The following TUBB8 variants were observed in gnomAD, a reference collection of about 807,000 sequenced individuals.
The protein encoded by TUBB8 is tubulin beta-8 chain.
Under a neutral mutation model 33.7 loss-of-function variants are expected in TUBB8, and 25 were observed. That is an observed-to-expected ratio of 0.74 (90% CI 0.54 to 1.04). The LOEUF is 1.04. Among genes scored for constraint, TUBB8 ranks in the 50% least tolerant of loss-of-function variants. The pLI is 0.00. For missense variants in TUBB8, 279 were observed against 608.0 expected (o/e 0.46, Z 5.69); for synonymous variants, 245 against 240.1 (o/e 1.02, Z -0.19).
chr10:52,193 C>A (rs1160124191), upstream of TUBB8, among the ~76,000 whole-genome samples: 2 of 152,220 alleles, frequency 1.3e-5, no homozygotes, highest in Non-Finnish European at 2.9e-5. Context: ...ACCCTAGGGC[C>A]TCTCACTTAA....
At chr10:63,666 A>G (rs190443865) in intron 1 of TUBB8, among the ~76,000 whole-genome samples, 164 of 152,294 alleles carry the variant, frequency 1.1e-3, no homozygotes, top group Middle Eastern at 6.8e-3. Flanking sequence ...CTTTAAATTT[A>G]TCTGATAGAA....
At chr10:62,174 C>A (rs1834611125) in intron 1 of TUBB8, among the ~76,000 whole-genome samples, 1 of 152,130 alleles carries the variant, frequency 6.6e-6, no homozygotes, top group East Asian at 1.9e-4. Context: ...TCGTTCTTTT[C>A]TTTCTTCCTG....
Position 49,126 on chromosome 10 carries a change from C to T in TUBB8, c.57+56G>A, listed in dbSNP as rs372323345. ...GGCACCGCCCCCGCCACTGCCAACA[C>T]CTTCCCCGGCCACCCGGCAGGCCCG... On this transcript the variant is annotated intron_variant, in intron 1 of 3. Transcript: ENST00000568584. The T allele has an allele frequency of 1.7e-4, 267 of 1,525,956 alleles. 2 individuals are homozygous for T. In the East Asian group the frequency reaches 3.5e-3, roughly 20 times the overall value. 94.5% of individuals were successfully genotyped at this position (1,525,956 alleles called of 1,614,324 possible).
At chr10:51,825 T>G (rs376016679), upstream of TUBB8, among the ~76,000 whole-genome samples, 21 of 151,736 alleles carry the variant, frequency 1.4e-4, no homozygotes, top group African/African-American at 3.9e-4. Context: ...TAGTTTATTA[T>G]CTTTGCCAAC....
At chr10:60,969 C>T (rs1261072409) in intron 1 of TUBB8, among the ~76,000 whole-genome samples, 1 of 151,246 alleles carries the variant, frequency 6.6e-6, no homozygotes, top group Middle Eastern at 3.2e-3. Context: ...AGTAAACTAT[C>T]GCAAGAACAA....
upstream of TUBB8, among the ~76,000 whole-genome samples, chr10:53,246 G>A (rs1834490779): frequency 6.6e-6 from 1 of 152,170 alleles, no homozygotes; most frequent in Non-Finnish European, 1.5e-5. Flanking sequence ...TCCTGCCTCA[G>A]CCTCCCAAGT....
chr10:49,714 A>C (rs1289725033), upstream of TUBB8: 2 of 389,188 alleles, frequency 5.1e-6, no homozygotes, highest in African/African-American at 4.2e-5. Context: ...AACAGGACTC[A>C]ATTATACGTT....
chr10:73,486 A>G (rs1554742638), intron 1 of TUBB8, among the ~76,000 whole-genome samples: 1 of 152,248 alleles, frequency 6.6e-6, no homozygotes, highest in African/African-American at 2.4e-5. Flanking sequence ...TCTACTAAAA[A>G]TACAAAATTA....
intron 3 of TUBB8, 149 bp downstream of exon 3, chr10:48,466 G>C: frequency 1.3e-6 from 1 of 771,484 alleles, no homozygotes; most frequent in Non-Finnish European, 2.2e-6. Context: ...GCCCATTTAG[G>C]AGAGGCAGAT....
At position 49,247 on chromosome 10, in the gene TUBB8, C is replaced by A. The variant is rs1427776204; in HGVS notation, c.-9G>T. ...AGCACGATCTCCCTCATGGCCAAGG[C>A]GGGATTAGGACGGCAGGAGAAACGT... On this transcript the variant is annotated 5_prime_UTR_variant, in exon 1 of 4. Transcript: ENST00000568584. 3.2e-6 allele frequency: 5 copies of A among 1,581,588 alleles called. No individual in the cohort carries two copies. Among genetic ancestry groups the A allele is most frequent in the African/African-American group, 1.4e-5 (1 of 74,058 alleles).
chr10:51,498 G>A (rs1291273755), upstream of TUBB8, among the ~76,000 whole-genome samples: 2 of 152,114 alleles, frequency 1.3e-5, no homozygotes, highest in South Asian at 2.1e-4. Flanking sequence ...AGGCCTCTCC[G>A]ACCATGTGCA....
At chr10:72,940 AC>A (rs1554742553) in intron 1 of TUBB8, among the ~76,000 whole-genome samples, 1 of 152,004 alleles carries the variant, frequency 6.6e-6, no homozygotes, top group Non-Finnish European at 1.5e-5. Context: ...AATAACCTTA[AC>A]GAAATCTGAT....
intron 1 of TUBB8, among the ~76,000 whole-genome samples, chr10:62,760 A>T (rs185103260): frequency 1.6e-3 from 246 of 152,330 alleles, no homozygotes; most frequent in African/African-American, 5.7e-3. Context: ...TGCCAAATAC[A>T]TTATTCTAAA....
At chr10:65,737 A>AAAT (rs879949045) in intron 1 of TUBB8, among the ~76,000 whole-genome samples, 5 of 152,094 alleles carry the variant, frequency 3.3e-5, no homozygotes, top group African/African-American at 4.8e-5. Context: ...AAAAAATTAA[A>AAAT]AATAATAATA....
chr10:48,347 CT>C (rs1485509686), intron 3 of TUBB8: 17 of 630,208 alleles, frequency 2.7e-5, no homozygotes, highest in Non-Finnish European at 4.5e-5. Flanking sequence ...CAGGTGGCTC[CT>C]GCCCATTCTC....
intron 1 of TUBB8, among the ~76,000 whole-genome samples, chr10:60,154 T>C (rs1834579666): frequency 6.6e-6 from 1 of 152,186 alleles, no homozygotes; most frequent in Non-Finnish European, 1.5e-5. Flanking sequence ...ATTTTGAGTT[T>C]GGTTTGGCCT....
rs532105627 is a variant in TUBB8 at position 71,911 on chromosome 10, T to TA, written c.-846+2057dup. ...GGTGATAGAGCAAGACCTTCTCTCT[T>TA]AAAAAAAAAAAATCAATCAATAAAA... On this transcript the variant is annotated intron_variant, in intron 1 of 3. Transcript: ENST00000564130. Among the ~76,000 whole-genome samples the TA allele has an allele frequency of 4.7e-3, 647 of 138,848 alleles. 2 individuals are homozygous for TA. Among genetic ancestry groups the TA allele is most frequent in the South Asian group, 0.047 (203 of 4,362 alleles). 91.1% of individuals were successfully genotyped at this position (138,848 alleles called of 152,430 possible). A position where few individuals can be genotyped will look rare whatever the true frequency, so the allele number is the denominator to read the frequency against.
At chr10:56,455 A>G (rs1245739935) in intron 1 of TUBB8, among the ~76,000 whole-genome samples, 1 of 152,248 alleles carries the variant, frequency 6.6e-6, no homozygotes, top group African/African-American at 2.4e-5. Flanking sequence ...TCATTGGCTC[A>G]TGGTTCTACA....
At chr10:69,223 T>G (rs1334251924) in intron 1 of TUBB8, among the ~76,000 whole-genome samples, 1 of 152,244 alleles carries the variant, frequency 6.6e-6, no homozygotes, top group African/African-American at 2.4e-5. Flanking sequence ...TGCTCCTTCC[T>G]GCATGCTGCC....
Sources: gnomAD v4.1 joint callset for allele counts (sites outside exome capture counted in the v4.1 genomes callset) on GRCh38, gnomAD v4.1.1 for gene constraint, MANE v1.5 for transcripts, NCBI Gene and HGNC (gene_info 2026-07-23, HGNC 2026-07-21) for gene names.